Variants in KLHDC4 observed in about 807,000 individuals in gnomAD.
KLHDC4 encodes kelch domain-containing protein 4.
In KLHDC4, 90 loss-of-function variants were observed where a neutral mutation model predicts 62.4. The observed-to-expected ratio is 1.44, with a 90% confidence interval of 1.22 to 1.72. The LOEUF (loss-of-function observed/expected upper bound fraction) is 1.72, where lower values mean the gene tolerates loss of function less well. Ranked by LOEUF, KLHDC4 falls within the 40% of genes most tolerant of loss-of-function variation. KLHDC4 has a pLI of 0.00. For synonymous variants in KLHDC4, 386 were observed against 284.4 expected (o/e 1.36, Z -3.59); for missense variants, 1,025 against 699.7 (o/e 1.47, Z -5.25).
At chr16:87,729,887 C>G (rs79813982) in intron 6 of KLHDC4, among the ~76,000 whole-genome samples, 2 of 152,178 alleles carry the variant, frequency 1.3e-5, no homozygotes, top group African/African-American at 4.8e-5. Context: ...GAGCTGCGAT[C>G]AGCACTCTAA....
chr16:87,724,191 A>T (rs774208040), intron 7 of KLHDC4, among the ~76,000 whole-genome samples: 9 of 152,204 alleles, frequency 5.9e-5, no homozygotes, highest in African/African-American at 1.2e-4. Context: ...TACATGGGGG[A>T]AACAGCCTCA....
At chr16:87,727,316 C>T (rs1387473825) in intron 6 of KLHDC4, among the ~76,000 whole-genome samples, 3 of 152,192 alleles carry the variant, frequency 2.0e-5, no homozygotes, top group Non-Finnish European at 2.9e-5. Flanking sequence ...CGTTTTCTTA[C>T]ACAGTTAACA....
intron 9 of KLHDC4, 64 bp from the exon 10 acceptor site, chr16:87,709,731 G>A (rs2035399831): frequency 4.1e-6 from 6 of 1,469,264 alleles, no homozygotes; most frequent in Non-Finnish European, 4.5e-6. Flanking sequence ...TTCCTGCTAT[G>A]CCCACAAGGC....
At chr16:87,715,947 C>T (rs1567677176) in intron 7 of KLHDC4, among the ~76,000 whole-genome samples, 1 of 152,292 alleles carries the variant, frequency 6.6e-6, no homozygotes, top group South Asian at 2.1e-4. Context: ...GATATTGACA[C>T]AGGCTTTGGG....
At chr16:87,706,939 C>T (rs1484836331), downstream of KLHDC4, among the ~76,000 whole-genome samples, 3 of 152,094 alleles carry the variant, frequency 2.0e-5, no homozygotes, top group Non-Finnish European at 2.9e-5. Context: ...GTGCTTCCAC[C>T]CGCCCAGCAC....
At chr16:87,746,211 A>C (rs2043010095) in intron 5 of KLHDC4, among the ~76,000 whole-genome samples, 1 of 152,164 alleles carries the variant, frequency 6.6e-6, no homozygotes. Context: ...TTGAGGCTGC[A>C]ATAAGGTGTG....
At chr16:87,755,714 G>A (rs922441068) in intron 3 of KLHDC4, 4 of 178,950 alleles carry the variant, frequency 2.2e-5, no homozygotes, top group East Asian at 1.5e-4. Flanking sequence ...ACAGGCGCCC[G>A]CCACCACACC....
intron 5 of KLHDC4, among the ~76,000 whole-genome samples, chr16:87,736,637 G>A (rs986946272): frequency 1.3e-5 from 2 of 152,140 alleles, no homozygotes; most frequent in East Asian, 1.9e-4. Context: ...ACTTAATCAC[G>A]TTATGTGGCA....
chr16:87,760,734 T>G (rs2045753095), intron 2 of KLHDC4, among the ~76,000 whole-genome samples: 1 of 150,966 alleles, frequency 6.6e-6, no homozygotes, highest in Non-Finnish European at 1.5e-5. Context: ...ATAACTCAAA[T>G]GAAAATGTAC....
At chr16:87,742,475 C>T (rs1352232517) in intron 5 of KLHDC4, among the ~76,000 whole-genome samples, 4 of 152,218 alleles carry the variant, frequency 2.6e-5, no homozygotes. Context: ...AAAAACTTCA[C>T]ATCAGTTGAA....
At chr16:87,763,198 C>T (rs1350541069) in intron 1 of KLHDC4, among the ~76,000 whole-genome samples, 1 of 152,256 alleles carries the variant, frequency 6.6e-6, no homozygotes, top group African/African-American at 2.4e-5. Context: ...CACATTCCCT[C>T]AAGTAACCAC....
intron 4 of KLHDC4, 98 bp from the exon 5 acceptor site, chr16:87,748,907 G>C: frequency 7.2e-7 from 1 of 1,383,030 alleles, no homozygotes; most frequent in African/African-American, 1.6e-5. Flanking sequence ...TACTATCTCG[G>C]ATGCCCTGCA....
chr16:87,748,672 C>T lies in KLHDC4; in HGVS notation c.506+1G>A, dbSNP rs749663174. On this transcript the variant is annotated splice_donor_variant, in intron 5 of 11. Coordinates refer to ENST00000270583, the MANE Select transcript of KLHDC4 (RefSeq NM_017566.4). LOFTEE classifies it high-confidence loss of function. ...GCTCAGCTTCTCATCTGGCTTCTTA[C>T]TTGACTTGTTCCCAGGTCTTGGTGG... is the stretch of plus-strand genomic sequence containing the variant. 6.2e-7 allele frequency: 1 copy of T among 1,613,740 alleles called. No individual in the cohort carries two copies.
chr16:87,758,168 G>A (rs1035079685), intron 2 of KLHDC4, among the ~76,000 whole-genome samples: 1 of 152,300 alleles, frequency 6.6e-6, no homozygotes, highest in Admixed American at 6.5e-5. Flanking sequence ...AATTTCTGCA[G>A]GAAAGAAACC....
chr16:87,745,237 G>A (rs2042868905), intron 5 of KLHDC4, among the ~76,000 whole-genome samples: 8 of 152,082 alleles, frequency 5.3e-5, no homozygotes, highest in Admixed American at 5.2e-4. Flanking sequence ...CACAACACCC[G>A]CCCTGGGGCC....
intron 7 of KLHDC4, among the ~76,000 whole-genome samples, chr16:87,720,101 C>T (rs1472730699): frequency 6.6e-6 from 1 of 152,098 alleles, no homozygotes; most frequent in Non-Finnish European, 1.5e-5. Flanking sequence ...CAGACGCCGA[C>T]CCATTTCAAT....
chr16:87,707,361 G>A (rs1815679942), downstream of KLHDC4, among the ~76,000 whole-genome samples: 2 of 152,212 alleles, frequency 1.3e-5, no homozygotes, highest in Non-Finnish European at 2.9e-5. Context: ...AAACCCGACT[G>A]GGACAGGGAC....
intron 5 of KLHDC4, among the ~76,000 whole-genome samples, chr16:87,731,313 C>G (rs1290076400): frequency 6.6e-6 from 1 of 151,974 alleles, no homozygotes; most frequent in Non-Finnish European, 1.5e-5. Flanking sequence ...CTCAAGTGAT[C>G]TGCCTGACTC....
exon 1 of KLHDC4, chr16:87,701,064 C>T (rs911468254): frequency 5.3e-6 from 1 of 190,100 alleles, no homozygotes; most frequent in African/African-American, 2.4e-5. Flanking sequence ...AGTGCAGCTG[C>T]ATTTGTTGAA....
Sources: gnomAD v4.1 joint callset for allele counts (sites outside exome capture counted in the v4.1 genomes callset) on GRCh38, gnomAD v4.1.1 for gene constraint, MANE v1.5 for transcripts, NCBI Gene and HGNC (gene_info 2026-07-23, HGNC 2026-07-21) for gene names.